The following PCDHGB7 variants were observed in gnomAD, a reference collection of about 807,000 sequenced individuals.
The protein encoded by PCDHGB7 is protocadherin gamma subfamily B, 7.
PCDHGB7 carries 37 observed loss-of-function variants against 61.4 expected under a neutral mutation model. The ratio of observed to expected loss-of-function variants is 0.60; its 90% CI spans 0.46 to 0.79. The LOEUF is 0.79. Ranked by LOEUF, PCDHGB7 falls within the 30% of genes least tolerant of loss-of-function variation. The pLI, the probability that PCDHGB7 is intolerant of heterozygous loss-of-function variation, is 0.00. For missense variants in PCDHGB7, 1,166 were observed against 1,202.5 expected, an observed-to-expected ratio of 0.97 and a Z score of 0.45; for synonymous variants, 464 against 503.5, an observed-to-expected ratio of 0.92 and a Z score of 1.05.
Position 141,489,941 on chromosome 5 carries a change from A to G in PCDHGB7, c.2416-4866A>G. Reference sequence around the variant, plus strand: ...ACCCTTATCTCTGTCATCGTGCTGGACATCAATGATAATGCTCCAACCTTC... The same window carrying G: ...ACCCTTATCTCTGTCATCGTGCTGGGCATCAATGATAATGCTCCAACCTTC... On this transcript the variant is annotated intron_variant, in intron 1 of 3. Transcript: ENST00000398594. The surrounding 1 kb of genome is among the most constrained non-coding windows in gnomAD (Gnocchi z 4.5). 1.2e-6 allele frequency: 2 copies of G among 1,614,228 alleles called. No homozygotes were observed. The highest frequency in any genetic ancestry group is 1.7e-6 in the Non-Finnish European group (2 of 1,180,034).
rs978109236 is a variant in PCDHGB7, at chr5:141,418,889, A to G, written c.1030A>G (p.Ser344Gly). 1.9e-6 allele frequency: 3 copies of G among 1,614,020 alleles called. No homozygotes were observed. The African/African-American group carries it at 4.0e-5, about 21-fold the overall frequency. The change falls in exon 1 of 4, where the codon AGC becomes GGC. Residue 344 changes from serine (S) to glycine (G), a missense_variant. Physicochemically the swap from Ser to Gly is moderately conservative, Grantham distance 56. Coordinates refer to ENST00000398594, the MANE Select transcript of PCDHGB7 (RefSeq NM_018927.4). ...IVEVVDENDN[S>G]PEIIITSLSD... Reference sequence around the variant, plus strand: ...AGAAGTTGTAGACGAAAACGACAACAGCCCAGAAATAATCATCACGTCACT... The same window carrying G: ...AGAAGTTGTAGACGAAAACGACAACGGCCCAGAAATAATCATCACGTCACT...
chr5:141,485,374 T>A lies in PCDHGB7; in HGVS notation c.2416-9433T>A. Reference sequence around the variant, plus strand: ...TGTCAGCTCGCAGGCTGCAGGTCGCTGGAGAGGTGAACCAAAGACACTTCC... The same window carrying A: ...TGTCAGCTCGCAGGCTGCAGGTCGCAGGAGAGGTGAACCAAAGACACTTCC... On this transcript the variant is annotated intron_variant, in intron 1 of 3. Coordinates refer to ENST00000398594, the MANE Select transcript of PCDHGB7 (RefSeq NM_018927.4). The surrounding 1 kb of genome is among the most constrained non-coding windows in gnomAD (Gnocchi z 5.7). The A allele has an allele frequency of 1.2e-6, 2 of 1,614,082 alleles. No homozygotes were observed. Among genetic ancestry groups the A allele is most frequent in the Non-Finnish European group, 1.7e-6 (2 of 1,179,998 alleles).
In PCDHGB7 at chr5:141,491,219, C is replaced by T; in HGVS notation, c.2416-3588C>T. ...GGTGACCCTTCACTCTCCTCCACAG[C>T]CACAGTGCTGCTGGTTCTGGAGGAT... is the stretch of plus-strand genomic sequence containing the variant. On this transcript the variant is annotated intron_variant, in intron 1 of 3. Coordinates refer to ENST00000398594, the MANE Select transcript of PCDHGB7 (RefSeq NM_018927.4). The surrounding 1 kb of genome is among the most constrained non-coding windows in gnomAD (Gnocchi z 6.9). 3 of 1,614,208 alleles carry T rather than the reference C, an allele frequency of 1.9e-6. No homozygotes were observed. The highest frequency in any genetic ancestry group is 2.5e-6 in the Non-Finnish European group (3 of 1,180,028).
chr5:141,477,901 C>T lies in PCDHGB7; in HGVS notation c.2416-16906C>T, dbSNP rs2099423750. ...GCCACCTAGTGTCACGGGTGGTAGG[C>T]TGGGACGCGGATGCAGGGCACAATG... On this transcript the variant is annotated intron_variant, in intron 1 of 3. Transcript: ENST00000398594. The surrounding 1 kb of genome is among the most constrained non-coding windows in gnomAD (Gnocchi z 4.9). The T allele has an allele frequency of 1.9e-6, 3 of 1,614,188 alleles. No homozygotes were observed. The highest frequency in any genetic ancestry group is 2.5e-6 in the Non-Finnish European group (3 of 1,180,042).
intron 1 of PCDHGB7, among the ~76,000 whole-genome samples, chr5:141,453,710 A>C (rs988115758): frequency 3.9e-5 from 6 of 152,242 alleles, no homozygotes; most frequent in African/African-American, 1.4e-4. Context: ...GAACAGTTTC[A>C]CTATAAAAAT....
chr5:141,495,300 C>T (rs1249195819), intron 2 of PCDHGB7, among the ~76,000 whole-genome samples: 1 of 152,204 alleles, frequency 6.6e-6, no homozygotes, highest in Non-Finnish European at 1.5e-5. Context: ...AGCGCCTCCT[C>T]CAGAGCCTCC....
rs544678317 is a variant in PCDHGB7, at chr5:141,430,911, A to C, written c.2415+10637A>C. The C allele has an allele frequency of 1.9e-5, 31 of 1,607,958 alleles. No homozygotes were observed. The Admixed American group carries it at 2.2e-4, about 11-fold the overall frequency. ...TCTAGGGTGGGCGACATCTCCAGGG[A>C]CCTGGGGCTGGAGCCCCGGGAGCTC... On this transcript the variant is annotated intron_variant, in intron 1 of 3. Transcript: ENST00000398594.
At position 141,450,045 on chromosome 5, in the gene PCDHGB7, C is replaced by T. The variant is rs369046547; in HGVS notation, c.2415+29771C>T. On this transcript the variant is annotated intron_variant, in intron 1 of 3. Transcript: ENST00000398594. Reference sequence around the variant, plus strand: ...TTTTTGAGACAGGGTCTCACTCTTTCGCCCAGGCTGGAATGCAGTGGTATG... The same window carrying T: ...TTTTTGAGACAGGGTCTCACTCTTTTGCCCAGGCTGGAATGCAGTGGTATG... 4.6e-5 allele frequency among the ~76,000 whole-genome samples: 6 copies of T among 129,508 alleles called. No individual in the cohort carries two copies. In the South Asian group the frequency reaches 9.6e-4, roughly 21 times the overall value. 85.0% of individuals were successfully genotyped at this position (129,508 alleles called of 152,430 possible).
At chr5:141,447,696 G>A (rs1273958794) in intron 1 of PCDHGB7, among the ~76,000 whole-genome samples, 1 of 152,096 alleles carries the variant, frequency 6.6e-6, no homozygotes, top group Non-Finnish European at 1.5e-5. Context: ...TAGAGGGATG[G>A]GTTATAAGGA....
rs201073884 is a variant in PCDHGB7 at position 141,486,264 on chromosome 5, A to C, written c.2416-8543A>C. On this transcript the variant is annotated intron_variant, in intron 1 of 3. Coordinates refer to ENST00000398594, the MANE Select transcript of PCDHGB7 (RefSeq NM_018927.4). This position sits in a 1 kb window ranked among gnomAD's most constrained non-coding sequence, Gnocchi z 5.0. The stretch of plus-strand genomic sequence containing the variant: ...CTTGGAACCCTCCCCGAGAGTGCAG[A>C]ACCTGGCACTGTGGTGGCACTTATC... 8 of 1,614,032 alleles carry C rather than the reference A, an allele frequency of 5.0e-6. No individual in the cohort carries two copies. The East Asian group carries it at 1.6e-4, about 31-fold the overall frequency.
rs1403163275 is a variant in PCDHGB7 at position 141,441,708 on chromosome 5, A to T, written c.2415+21434A>T. ...AGAGCAGCCGCGAGCCTTCAAGCTC[A>T]CGCTGCAGGCCCGCGACCAGGACTA... On this transcript the variant is annotated intron_variant, in intron 1 of 3. Coordinates refer to ENST00000398594, the MANE Select transcript of PCDHGB7 (RefSeq NM_018927.4). 2.8e-5 allele frequency: 9 copies of T among 319,492 alleles called. No homozygotes were observed. In the East Asian group the frequency reaches 1.0e-3, roughly 37 times the overall value. 19.8% of individuals were successfully genotyped at this position (319,492 alleles called of 1,614,324 possible).
intron 1 of PCDHGB7, chr5:141,426,685 A>C (rs1342844985): frequency 4.6e-6 from 2 of 432,608 alleles, no homozygotes; most frequent in African/African-American, 2.0e-5. Flanking sequence ...CATTTTCCCC[A>C]AAATAGCATT....
chr5:141,505,343 G>C (rs2099845454), intron 2 of PCDHGB7, 50 bp from the exon 3 acceptor site: 1 of 1,612,934 alleles, frequency 6.2e-7, no homozygotes, highest in Non-Finnish European at 8.5e-7. Context: ...GGAGGGGCAT[G>C]AGCTGTGCCG....
At position 141,461,300 on chromosome 5, in the gene PCDHGB7, A is replaced by G. The variant is rs889981233; in HGVS notation, c.2416-33507A>G. Among the ~76,000 whole-genome samples, 10 of 152,106 alleles carry G rather than the reference A, an allele frequency of 6.6e-5. No individual in the cohort carries two copies. In the East Asian group the frequency reaches 1.4e-3, roughly 21 times the overall value. On this transcript the variant is annotated intron_variant, in intron 1 of 3. Transcript: ENST00000398594. The stretch of plus-strand genomic sequence containing the variant: ...TTTCCCCACATCCACACCAACATCT[A>G]TTGTTTTTTGACTTTTTAATAATGG...
chr5:141,422,030 C>G, intron 1 of PCDHGB7: 1 of 1,609,592 alleles, frequency 6.2e-7, no homozygotes, highest in African/African-American at 1.3e-5. Flanking sequence ...GTTAATGCAA[C>G]GGATCCAGAC....
intron 1 of PCDHGB7, among the ~76,000 whole-genome samples, chr5:141,469,667 T>C (rs62379201): frequency 0.22 from 32,952 of 152,218 alleles, 3,707 homozygotes; most frequent in African/African-American, 0.28. Flanking sequence ...CTTGTTCTAA[T>C]AAAACTACAT....
At chr5:141,445,070 A>G (rs185808898) in intron 1 of PCDHGB7, among the ~76,000 whole-genome samples, 30 of 152,306 alleles carry the variant, frequency 2.0e-4, no homozygotes, top group African/African-American at 7.2e-4. Context: ...TATATTTCTC[A>G]TTAAATTGTC....
intron 1 of PCDHGB7, among the ~76,000 whole-genome samples, chr5:141,463,783 C>T (rs1395035313): frequency 1.3e-5 from 2 of 152,138 alleles, no homozygotes; most frequent in African/African-American, 4.8e-5. Flanking sequence ...CCTGCACTGT[C>T]TTTTGAACAA....
chr5:141,444,265 A>G (rs1355824197), intron 1 of PCDHGB7, among the ~76,000 whole-genome samples: 3 of 133,712 alleles, frequency 2.2e-5, no homozygotes, highest in Non-Finnish European at 3.1e-5. Flanking sequence ...TCCGCCTCCC[A>G]GGTTCAAGTG....
Sources: gnomAD v4.1 joint callset for allele counts (sites outside exome capture counted in the v4.1 genomes callset) on GRCh38, gnomAD v4.1.1 for gene constraint, Gnocchi (gnomAD v3.1) non-coding constraint, MANE v1.5 for transcripts, NCBI Gene and HGNC (gene_info 2026-07-23, HGNC 2026-07-21) for gene names.